Variants in WASHC4 observed in about 807,000 individuals in gnomAD.
The protein encoded by WASHC4 is WASH complex subunit 4.
A neutral mutation model predicts 166.6 loss-of-function variants in WASHC4; 86 were observed. The ratio of observed to expected loss-of-function variants is 0.52; its 90% CI spans 0.43 to 0.62. The LOEUF (loss-of-function observed/expected upper bound fraction) is 0.62, where lower values mean the gene tolerates loss of function less well. WASHC4 is among the 20% of genes least tolerant of loss of function. The pLI, the probability that WASHC4 is intolerant of heterozygous loss-of-function variation, is 0.00. For synonymous variants in WASHC4, 446 were observed against 451.6 expected (o/e 0.99, Z 0.16); for missense variants, 1,262 against 1,382.4 (o/e 0.91, Z 1.38).
chr12:105,123,831 C>A (rs952763706), intron 10 of WASHC4, among the ~76,000 whole-genome samples: 4 of 152,158 alleles, frequency 2.6e-5, no homozygotes, highest in African/African-American at 9.7e-5. Context: ...GAGGAAAAGT[C>A]AATTCCTGGC....
At chr12:105,153,760 T>A (rs1883943538) in intron 26 of WASHC4, among the ~76,000 whole-genome samples, 2 of 152,220 alleles carry the variant, frequency 1.3e-5, no homozygotes, top group Admixed American at 1.3e-4. Context: ...ATACCCAGAA[T>A]TTTTGCATCC....
At chr12:105,110,328 TATTC>T (rs1164033770) in intron 1 of WASHC4, among the ~76,000 whole-genome samples, 1 of 152,232 alleles carries the variant, frequency 6.6e-6, no homozygotes, top group African/African-American at 2.4e-5. Context: ...TGAATAAAGT[TATTC>T]ATATCAATAA....
At chr12:105,132,718 G>C (rs74747411) in intron 13 of WASHC4, among the ~76,000 whole-genome samples, 7 of 151,472 alleles carry the variant, frequency 4.6e-5, no homozygotes, top group Non-Finnish European at 8.8e-5. Flanking sequence ...TCTCTGTGTA[G>C]CAGTTTCTTG....
rs1328279926 is a variant in WASHC4, at chr12:105,112,227, ACTTT to A, written c.201+968_201+971del. ...ATCTATGTTGTCACATGTTTTTAGTACTTTCTTTTTTTGCTGTTGCTGAATAATA... is the reference window on the plus strand; with the variant it reads ...ATCTATGTTGTCACATGTTTTTAGTACTTTTTTTGCTGTTGCTGAATAATA... On this transcript the variant is annotated intron_variant, in intron 2 of 32. Transcript: ENST00000332180. Among the ~76,000 whole-genome samples, 11 of 152,140 alleles carry A rather than the reference ACTTT, an allele frequency of 7.2e-5. No individual in the cohort carries two copies. The East Asian group carries it at 2.1e-3, about 29-fold the overall frequency.
chr12:105,142,133 A>T (rs1386592973), intron 18 of WASHC4, among the ~76,000 whole-genome samples: 2 of 151,836 alleles, frequency 1.3e-5, no homozygotes, highest in African/African-American at 4.8e-5. Context: ...GTTTGTTTTT[A>T]TTTACCAAAA....
rs552896457 is a variant in WASHC4, at chr12:105,137,965, C to T, written c.1406C>T (p.Thr469Ile). The T allele has an allele frequency of 6.9e-5, 112 of 1,613,140 alleles. 1 individual carries two copies. The South Asian group carries it at 1.2e-3, about 17-fold the overall frequency. ...NLYMSMQKPM[T>I]KTSVKALCRL... is the part of the protein sequence containing the mutation. ...TACATGTCCATGCAAAAGCCAATGA[C>T]CAAAACCTCAGTTAAGGCATTGTGC... The change falls in exon 15 of 33, where the codon ACC becomes ATC. Residue 469 changes from threonine (T) to isoleucine (I), a missense_variant. Physicochemically the swap from Thr to Ile is moderately conservative, Grantham distance 89. Coordinates refer to ENST00000332180, the MANE Select transcript of WASHC4 (RefSeq NM_015275.3).
At chr12:105,120,260 A>G (rs2135737012) in intron 7 of WASHC4, among the ~76,000 whole-genome samples, 1 of 152,316 alleles carries the variant, frequency 6.6e-6, no homozygotes. Flanking sequence ...TTCATAGGTC[A>G]CCTATCATCA....
At position 105,143,151 on chromosome 12, in the gene WASHC4, T is replaced by A. The variant is rs1256438167; in HGVS notation, c.1918T>A (p.Cys640Ser). 1 of 1,610,648 alleles carries A rather than the reference T, an allele frequency of 6.2e-7. No homozygotes were observed. Among genetic ancestry groups the A allele is most frequent in the Non-Finnish European group, 8.5e-7 (1 of 1,177,304 alleles). The change falls in exon 20 of 33, where the codon TGT (cysteine) becomes AGT (serine). Residue 640 changes from cysteine (C) to serine (S), a missense_variant. Physicochemically the swap from Cys to Ser is moderately radical, Grantham distance 112. Transcript: ENST00000332180. ...GTACATGTTCAGTGCTTTGCGCGAC[T>A]GTGTACCTGCTATGATGCATGCAAG... ...LHYMFSALRDCVPAMMHARHL... is the reference protein window; with the variant it reads ...LHYMFSALRDSVPAMMHARHL...
intron 10 of WASHC4, among the ~76,000 whole-genome samples, chr12:105,123,111 C>A (rs1003261760): frequency 6.6e-6 from 1 of 152,178 alleles, no homozygotes; most frequent in African/African-American, 2.4e-5. Context: ...GTCAGGAGTT[C>A]AAGACCAGCC....
At chr12:105,136,743 C>T (rs1323159907) in intron 14 of WASHC4, among the ~76,000 whole-genome samples, 9 of 152,142 alleles carry the variant, frequency 5.9e-5, no homozygotes, top group Non-Finnish European at 1.3e-4. Context: ...CAAGGTAAGA[C>T]TGTGGCTCTT....
At position 105,168,438 on chromosome 12, in the gene WASHC4, A is replaced by T; in HGVS notation, c.*1507A>T. The stretch of plus-strand genomic sequence containing the variant: ...ATTAATAATTTATATTTTCATTATT[A>T]TAAGTGTTTATATTAATGATCTTGC... On this transcript the variant is annotated 3_prime_UTR_variant, in exon 33 of 33. Coordinates refer to ENST00000332180, the MANE Select transcript of WASHC4 (RefSeq NM_015275.3). The T allele has an allele frequency of 6.8e-6, 1 of 148,064 alleles. No individual in the cohort carries two copies. Among genetic ancestry groups the T allele is most frequent in the East Asian group, 1.9e-4 (1 of 5,190 alleles). The allele number at this position is 148,064 out of a possible 1,614,324, so 9.2% of individuals were successfully genotyped here. A position where few individuals can be genotyped will look rare whatever the true frequency, so the allele number is the denominator to read the frequency against.
At chr12:105,159,679 G>T (rs1412097590) in intron 28 of WASHC4, among the ~76,000 whole-genome samples, 1 of 152,092 alleles carries the variant, frequency 6.6e-6, no homozygotes, top group African/African-American at 2.4e-5. Context: ...TAGGAGAAAC[G>T]TTAGAGATTT....
chr12:105,160,277 A>G lies in WASHC4; in HGVS notation c.3060+129A>G. ...ATTTCCTGGTTGCATATAAAACTAA[A>G]TGTGATCTCAGTGAATGTGACATAG... On this transcript the variant is annotated intron_variant, in intron 29 of 32. Coordinates refer to ENST00000332180, the MANE Select transcript of WASHC4 (RefSeq NM_015275.3). 3.9e-6 allele frequency: 3 copies of G among 774,316 alleles called. No homozygotes were observed. The South Asian group carries it at 4.8e-5, about 12-fold the overall frequency. The allele number at this position is 774,316 out of a possible 1,614,324, so 48.0% of individuals were successfully genotyped here.
In WASHC4 at chr12:105,144,700, A is replaced by G. The variant is rs761218870; in HGVS notation, c.2180-18A>G. 3 of 1,201,050 alleles carry G rather than the reference A, an allele frequency of 2.5e-6. No homozygotes were observed. The highest frequency in any genetic ancestry group is 1.4e-5 in the South Asian group (1 of 69,546). The allele number at this position is 1,201,050 out of a possible 1,614,324, so 74.4% of individuals were successfully genotyped here. A position where few individuals can be genotyped will look rare whatever the true frequency, so the allele number is the denominator to read the frequency against. ...CCTTTTCTACTGTTTCACAAGTTGAATTTTTTTTTTTTGGTAGCTTACGTA... is the reference window on the plus strand; with the variant it reads ...CCTTTTCTACTGTTTCACAAGTTGAGTTTTTTTTTTTTGGTAGCTTACGTA... On this transcript the variant is annotated intron_variant, in intron 21 of 32. Coordinates refer to ENST00000332180, the MANE Select transcript of WASHC4 (RefSeq NM_015275.3).
At chr12:105,114,559 A>G in intron 4 of WASHC4, 132 bp downstream of exon 4, 1 of 689,760 alleles carries the variant, frequency 1.4e-6, no homozygotes, top group Non-Finnish European at 2.5e-6. Flanking sequence ...TAATACTAAT[A>G]CGGACTACCA....
At chr12:105,118,031 A>G (rs960070830) in intron 6 of WASHC4, among the ~76,000 whole-genome samples, 2 of 152,186 alleles carry the variant, frequency 1.3e-5, no homozygotes, top group Non-Finnish European at 2.9e-5. Context: ...TGTACTTTCT[A>G]TACTGGCAGC....
At chr12:105,125,921 C>T in intron 10 of WASHC4, 83 bp from the exon 11 acceptor site, 3 of 1,299,584 alleles carry the variant, frequency 2.3e-6, no homozygotes, top group Non-Finnish European at 3.3e-6. Context: ...ATTTATCATA[C>T]ACTGTATTTA....
chr12:105,143,189 C>T lies in WASHC4; in HGVS notation c.1956C>T (p.Ser652=). 1 of 1,610,690 alleles carries T rather than the reference C, an allele frequency of 6.2e-7. No individual in the cohort carries two copies. Among genetic ancestry groups the T allele is most frequent in the South Asian group, 1.1e-5 (1 of 90,960 alleles). ...PAMMHARHLE[S]YEILLDCYDK... ...TGATGCATGCAAGGCATTTAGAGTC[C>T]TATGAGATACTTCTGGATTGCTATG... Residue 652 remains serine, a synonymous_variant, in exon 20 of 33, where the codon TCC becomes TCT. Coordinates refer to ENST00000332180, the MANE Select transcript of WASHC4 (RefSeq NM_015275.3).
At chr12:105,124,863 A>G (rs948802328) in intron 10 of WASHC4, among the ~76,000 whole-genome samples, 25 of 152,204 alleles carry the variant, frequency 1.6e-4, no homozygotes, top group African/African-American at 5.3e-4. Context: ...TGCACAGTCT[A>G]GTATGGTAGC....
Sources: gnomAD v4.1 joint callset for allele counts (sites outside exome capture counted in the v4.1 genomes callset) on GRCh38, gnomAD v4.1.1 for gene constraint, MANE v1.5 for transcripts, NCBI Gene and HGNC (gene_info 2026-07-23, HGNC 2026-07-21) for gene names.